The following RPS6KC1 variants were observed in gnomAD, a reference collection of about 807,000 sequenced individuals.
RPS6KC1 encodes the protein inactive ribosomal protein S6 kinase delta-1.
RPS6KC1 carries 54 observed loss-of-function variants against 103.8 expected under a neutral mutation model. That is an observed-to-expected ratio of 0.52 (90% CI 0.42 to 0.65). RPS6KC1 has a LOEUF of 0.65. Among genes scored for constraint, RPS6KC1 ranks in the 30% least tolerant of loss-of-function variants. RPS6KC1 has a pLI of 0.00. For synonymous variants in RPS6KC1, 439 were observed against 438.7 expected (o/e 1.00, Z -0.01); for missense variants, 1,151 against 1,253.8 (o/e 0.92, Z 1.24).
At chr1:213,399,685 C>T in the RPS6KC1 span, among the ~76,000 whole-genome samples, 111 of 152,224 alleles carry the variant, frequency 7.3e-4, 2 homozygotes, top group African/African-American at 2.5e-3. Flanking sequence ...CCATCCTGCT[C>T]TTTCAGTCCC....
the RPS6KC1 span, among the ~76,000 whole-genome samples, chr1:213,733,578 A>T: frequency 2.1e-5 from 3 of 142,290 alleles, no homozygotes; most frequent in East Asian, 4.1e-4. Context: ...GAAACTCCAT[A>T]CTATTTTGCA....
the RPS6KC1 span, among the ~76,000 whole-genome samples, chr1:213,602,106 T>TTCTCTTTCTTTC: frequency 2.9e-5 from 1 of 34,652 alleles, no homozygotes; most frequent in African/African-American, 1.5e-4. Context: ...CTTTCTTTCT[T>TTCTCTTTCTTTC]TCTTTCTTTC....
intron 2 of RPS6KC1, among the ~76,000 whole-genome samples, chr1:213,071,342 T>C (rs1316565006): frequency 6.6e-6 from 1 of 152,174 alleles, no homozygotes; most frequent in South Asian, 2.1e-4. Context: ...TTGGCCAGGC[T>C]GGTCTCGAAT....
the RPS6KC1 span, among the ~76,000 whole-genome samples, chr1:213,597,520 T>C: frequency 6.6e-6 from 1 of 151,658 alleles, no homozygotes; most frequent in African/African-American, 2.4e-5. Flanking sequence ...CAGGGAAGGG[T>C]GGATTTGACA....
chr1:213,343,035 CA>C, the RPS6KC1 span, among the ~76,000 whole-genome samples: 2 of 150,500 alleles, frequency 1.3e-5, no homozygotes, highest in African/African-American at 2.4e-5. Flanking sequence ...ATCCCTGTCT[CA>C]AAAAAAATTT....
At chr1:213,242,949 T>A (rs990708113) in intron 12 of RPS6KC1, among the ~76,000 whole-genome samples, 1 of 152,182 alleles carries the variant, frequency 6.6e-6, no homozygotes. Flanking sequence ...TCTTAGTGTT[T>A]ACAAGGACCT....
chr1:213,391,822 C>T, the RPS6KC1 span, among the ~76,000 whole-genome samples: 1 of 152,160 alleles, frequency 6.6e-6, no homozygotes, highest in Admixed American at 6.5e-5. Flanking sequence ...TATCTTTTAT[C>T]TTCATTTCTG....
chr1:213,827,957 A>G, the RPS6KC1 span, among the ~76,000 whole-genome samples: 2 of 152,078 alleles, frequency 1.3e-5, no homozygotes, highest in East Asian at 3.8e-4. Context: ...GAAGGTTTCC[A>G]TGCAAACTTT....
intron 3 of RPS6KC1, among the ~76,000 whole-genome samples, chr1:213,082,812 A>T (rs1215951678): frequency 6.6e-6 from 1 of 152,200 alleles, no homozygotes; most frequent in African/African-American, 2.4e-5. Flanking sequence ...TAAAATTAAG[A>T]AATGACTTCT....
intron 14 of RPS6KC1, among the ~76,000 whole-genome samples, chr1:213,264,147 T>A (rs866567424): frequency 6.6e-6 from 1 of 152,166 alleles, no homozygotes; most frequent in South Asian, 2.1e-4. Flanking sequence ...AATATTTAAT[T>A]CATTAAAATT....
the RPS6KC1 span, among the ~76,000 whole-genome samples, chr1:213,297,385 C>CGT: frequency 1.7e-4 from 26 of 152,304 alleles, no homozygotes; most frequent in Non-Finnish European, 2.9e-4. Flanking sequence ...GTGTGTGAAC[C>CGT]GTGGCCTAGT....
chr1:213,521,776 A>C, the RPS6KC1 span, among the ~76,000 whole-genome samples: 1 of 152,204 alleles, frequency 6.6e-6, no homozygotes, highest in African/African-American at 2.4e-5. Context: ...CATTTATTCA[A>C]ACTTTATCAT....
chr1:213,845,654 A>G, the RPS6KC1 span, among the ~76,000 whole-genome samples: 1 of 152,292 alleles, frequency 6.6e-6, no homozygotes, highest in East Asian at 1.9e-4. Flanking sequence ...GCAACTTTTG[A>G]TAGGTACTAG....
At chr1:213,503,202 C>A in the RPS6KC1 span, among the ~76,000 whole-genome samples, 470 of 152,212 alleles carry the variant, frequency 3.1e-3, 2 homozygotes, top group African/African-American at 0.011. Flanking sequence ...CTTAACTCTA[C>A]CTCTTGGCCT....
the RPS6KC1 span, among the ~76,000 whole-genome samples, chr1:213,620,354 T>C: frequency 6.6e-6 from 1 of 152,222 alleles, no homozygotes; most frequent in Non-Finnish European, 1.5e-5. Flanking sequence ...GGTACCTTGG[T>C]GGAGGGGCTG....
intron 6 of RPS6KC1, among the ~76,000 whole-genome samples, chr1:213,141,671 T>C (rs1055992169): frequency 6.6e-6 from 1 of 152,062 alleles, no homozygotes; most frequent in African/African-American, 2.4e-5. Flanking sequence ...TTGCTACCTT[T>C]GGGATTGGTT....
intron 1 of RPS6KC1, among the ~76,000 whole-genome samples, chr1:213,061,639 G>A (rs531868778): frequency 6.6e-6 from 1 of 150,446 alleles, no homozygotes; most frequent in Admixed American, 6.6e-5. Flanking sequence ...ATGTCAGTAT[G>A]TTAACATGAA....
At chr1:213,633,155 C>T in the RPS6KC1 span, among the ~76,000 whole-genome samples, 1 of 152,156 alleles carries the variant, frequency 6.6e-6, no homozygotes, top group Non-Finnish European at 1.5e-5. Context: ...CTTCCCCAAC[C>T]TAGGAAGGCA....
chr1:213,452,368 C>T, the RPS6KC1 span, among the ~76,000 whole-genome samples: 1 of 151,250 alleles, frequency 6.6e-6, no homozygotes, highest in Non-Finnish European at 1.5e-5. Context: ...AACCCTATCT[C>T]GCCCTCCCCC....
Sources: gnomAD v4.1 joint callset for allele counts (sites outside exome capture counted in the v4.1 genomes callset) on GRCh38, gnomAD v4.1.1 for gene constraint, MANE v1.5 for transcripts, NCBI Gene and HGNC (gene_info 2026-07-23, HGNC 2026-07-21) for gene names.